Variants in MVD observed in about 807,000 individuals in gnomAD.
MVD encodes diphosphomevalonate decarboxylase.
In MVD, 52 loss-of-function variants were observed where a neutral mutation model predicts 42.4. The observed-to-expected ratio is 1.23, with a 90% CI of 0.98 to 1.55. The LOEUF (loss-of-function observed/expected upper bound fraction) is 1.55. Among genes scored for constraint, MVD ranks in the 40% most tolerant of loss-of-function variants. MVD has a pLI of 0.00. For synonymous variants in MVD, 287 were observed against 243.2 expected, an observed-to-expected ratio of 1.18 and a Z score of -1.68; for missense variants, 663 against 572.1, an observed-to-expected ratio of 1.16 and a Z score of -1.62.
At chr16:88,653,718 C>T in intron 8 of MVD, 1 of 291,688 alleles carries the variant, frequency 3.4e-6, no homozygotes, top group Non-Finnish European at 6.4e-6. Flanking sequence ...GCTGGACCCA[C>T]ATCTGGCCAA....
In MVD at chr16:88,656,311, G is replaced by A. The variant is rs1245362645; in HGVS notation, c.404-7C>T. The A allele has an allele frequency of 1.3e-6, 2 of 1,598,946 alleles. No homozygotes were observed. Among genetic ancestry groups the A allele is most frequent in the South Asian group, 2.2e-5 (2 of 91,072 alleles). Reference sequence around the variant, plus strand: ...ACACGGGCCAGGGTGTAGGCTGCAGGCATGCGGATTCAGGGAGGGTCCTCA... The same window carrying A: ...ACACGGGCCAGGGTGTAGGCTGCAGACATGCGGATTCAGGGAGGGTCCTCA... On this transcript the variant is annotated splice_polypyrimidine_tract_variant and splice_region_variant and intron_variant, in intron 4 of 9. Transcript: ENST00000301012.
chr16:88,654,490 G>A (rs935435633), intron 8 of MVD, among the ~76,000 whole-genome samples: 8 of 152,190 alleles, frequency 5.3e-5, no homozygotes, highest in Admixed American at 1.3e-4. Flanking sequence ...ACGCGTGAGC[G>A]GCCTCTCTTT....
At chr16:88,657,894 C>T (rs764452317) in intron 3 of MVD, 21 bp downstream of exon 3, 2 of 1,608,110 alleles carry the variant, frequency 1.2e-6, no homozygotes, top group Non-Finnish European at 1.7e-6. Flanking sequence ...GAGGGATGGG[C>T]TTATGGGGAC....
At chr16:88,657,791 G>A in intron 3 of MVD, 124 bp downstream of exon 3, 1 of 1,264,120 alleles carries the variant, frequency 7.9e-7, no homozygotes, top group Non-Finnish European at 1.1e-6. Flanking sequence ...GGCCCAGCGG[G>A]CATGTCTGGT....
intron 1 of MVD, chr16:88,659,421 G>C (rs1328472344): frequency 1.3e-5 from 2 of 152,748 alleles, no homozygotes; most frequent in African/African-American, 2.4e-5. Context: ...GCCCTGACAG[G>C]CCGGGCGAAC....
intron 8 of MVD, among the ~76,000 whole-genome samples, chr16:88,654,183 G>A (rs368122808): frequency 2.0e-5 from 3 of 151,922 alleles, no homozygotes; most frequent in East Asian, 1.9e-4. Context: ...CGAGGAGGGC[G>A]TACATGGGGG....
At chr16:88,658,956 C>G (rs1413760377) in intron 1 of MVD, 1 of 538,240 alleles carries the variant, frequency 1.9e-6, no homozygotes, top group East Asian at 3.3e-5. Flanking sequence ...CGTCCCCGCT[C>G]CCCATTCCTT....
intron 2 of MVD, 100 bp downstream of exon 2, chr16:88,658,550 T>A (rs1157229552): frequency 3.4e-6 from 4 of 1,180,806 alleles, no homozygotes; most frequent in Non-Finnish European, 4.9e-6. Flanking sequence ...CCCCAAGTGC[T>A]GGGATTGCAG....
intron 1 of MVD, among the ~76,000 whole-genome samples, chr16:88,659,565 G>A (rs1306914557): frequency 6.6e-6 from 1 of 152,172 alleles, no homozygotes; most frequent in Non-Finnish European, 1.5e-5. Flanking sequence ...GGGGGAGCCC[G>A]GGGCTTTCTT....
At chr16:88,662,676 G>T in intron 1 of MVD, 1 of 1,323,016 alleles carries the variant, frequency 7.6e-7, no homozygotes, top group East Asian at 4.6e-5. Context: ...CGAGTAGCTG[G>T]AGCCACAAAC....
intron 8 of MVD, among the ~76,000 whole-genome samples, chr16:88,654,254 G>A (rs1210488242): frequency 6.6e-6 from 1 of 152,204 alleles, no homozygotes; most frequent in Non-Finnish European, 1.5e-5. Context: ...CAACTGCCGG[G>A]GCGGGGTCAA....
Position 88,656,039 on chromosome 16 carries a change from C to G in MVD, c.603+66G>C. ...GGATGGACGCCTTCGCTCCTGCTCC[C>G]GGCAGCAGCCCTGACTAGGGACAGA... On this transcript the variant is annotated intron_variant, in intron 5 of 9. Coordinates refer to ENST00000301012, the MANE Select transcript of MVD (RefSeq NM_002461.3). 3.3e-6 allele frequency: 5 copies of G among 1,523,768 alleles called. No individual in the cohort carries two copies. The South Asian group carries it at 6.2e-5, about 19-fold the overall frequency. 94.4% of individuals were successfully genotyped at this position (1,523,768 alleles called of 1,614,324 possible). A position where few individuals can be genotyped will look rare whatever the true frequency, so the allele number is the denominator to read the frequency against.
intron 3 of MVD, 53 bp from the exon 4 acceptor site, chr16:88,657,635 C>G: frequency 6.3e-6 from 10 of 1,590,392 alleles, no homozygotes; most frequent in Non-Finnish European, 8.6e-6. Flanking sequence ...CCTGCCCGCC[C>G]TGCTCCTGCC....
At chr16:88,661,865 AATAT>A (rs958454466) in intron 1 of MVD, among the ~76,000 whole-genome samples, 1 of 149,288 alleles carries the variant, frequency 6.7e-6, no homozygotes, top group Admixed American at 6.7e-5. Flanking sequence ...GTATATATAT[AATAT>A]ATATATGTAT....
rs1272185055 is a variant in MVD, at chr16:88,663,023, C to T, written c.58G>A (p.Val20Ile). Residue 20 changes from valine (V) to isoleucine (I), a missense_variant, in exon 1 of 10, where the codon GTC becomes ATC. Transcript: ENST00000301012. The part of the protein sequence containing the change: ...VTCTAPVNIA[V>I]IKYWGKRDEE... ...CCGCGGCACTCACAGTACTTGATGA[C>T]CGCGATGTTGACCGGCGCTGTACAA... The T allele has an allele frequency of 1.9e-6, 3 of 1,607,520 alleles. No homozygotes were observed. Among genetic ancestry groups the T allele is most frequent in the Admixed American group, 1.7e-5 (1 of 59,416 alleles).
In MVD at chr16:88,656,120, G is replaced by A. The variant is rs764558749; in HGVS notation, c.588C>T (p.Arg196=). ...CCCCACTCACCACAAGGATGAGCAC[G>A]CGGAGTTCAGGCCAGTGTGACTCGG... ...VAPESHWPEL[R]VLILVVSAEK... The change falls in exon 5 of 10, where the codon CGC becomes CGT. Residue 196 remains arginine (R), a synonymous_variant. Transcript: ENST00000301012. 1.6e-5 allele frequency: 26 copies of A among 1,597,974 alleles called. No homozygotes were observed. In the Admixed American group the frequency reaches 3.2e-4, roughly 19 times the overall value.
In MVD at chr16:88,656,093, C is replaced by T. The variant is rs778609509; in HGVS notation, c.603+12G>A. ...CACCGGGCTGCTGCTCCACCCGCCC[C>T]ACCCCACTCACCACAAGGATGAGCA... On this transcript the variant is annotated intron_variant, in intron 5 of 9. Transcript: ENST00000301012. 11 of 1,577,650 alleles carry T rather than the reference C, an allele frequency of 7.0e-6. No homozygotes were observed. The highest frequency in any genetic ancestry group is 9.5e-6 in the Non-Finnish European group (11 of 1,163,500).
Position 88,657,929 on chromosome 16 carries a change from G to A in MVD, c.242C>T (p.Ala81Val). The A allele has an allele frequency of 6.2e-7, 1 of 1,613,594 alleles. No homozygotes were observed. The highest frequency in any genetic ancestry group is 1.1e-5 in the South Asian group (1 of 91,084). ...CCCCAGCTCACTCTCCCGCAGGCAG[G>A]CCTGCAGCCGCGGCTGCCCCACATC... ...EEDVGQPRLQ[A>V]CLREIRCLAR... is the part of the protein sequence containing the mutation. The change falls in exon 3 of 10, where the codon GCC becomes GTC. Residue 81 changes from alanine (A) to valine (V), a missense_variant. By Grantham distance (64) the Ala-to-Val change is moderately conservative. Transcript: ENST00000301012.
At chr16:88,657,746 T>A in intron 3 of MVD, 164 bp from the exon 4 acceptor site, 1 of 1,280,236 alleles carries the variant, frequency 7.8e-7, no homozygotes, top group Non-Finnish European at 1.1e-6. Flanking sequence ...CAAGCCCAGC[T>A]GGTCATTGAG....
Sources: gnomAD v4.1 joint callset for allele counts (sites outside exome capture counted in the v4.1 genomes callset) on GRCh38, gnomAD v4.1.1 for gene constraint, MANE v1.5 for transcripts, NCBI Gene and HGNC (gene_info 2026-07-23, HGNC 2026-07-21) for gene names.